The following IRF2 variants were observed in gnomAD, a reference collection of about 807,000 sequenced individuals.
The protein encoded by IRF2 is interferon regulatory factor 2.
IRF2 carries 15 observed loss-of-function variants against 40.6 expected under a neutral mutation model. The observed-to-expected ratio is 0.37, with a 90% CI of 0.25 to 0.57. The LOEUF is 0.57. Ranked by LOEUF, IRF2 falls within the 20% of genes least tolerant of loss-of-function variation. The pLI, the probability that IRF2 is intolerant of heterozygous loss-of-function variation, is 0.77. For missense variants in IRF2, 317 were observed against 455.7 expected, an observed-to-expected ratio of 0.70 and a Z score of 2.77; for synonymous variants, 151 against 165.5, an observed-to-expected ratio of 0.91 and a Z score of 0.67.
chr4:184,453,017 G>C (rs1738783942), intron 1 of IRF2, among the ~76,000 whole-genome samples: 1 of 151,972 alleles, frequency 6.6e-6, no homozygotes, highest in South Asian at 2.1e-4. Flanking sequence ...AATCATGTGT[G>C]AAACATGCTG....
chr4:184,467,665 CT>C (rs765120581), intron 1 of IRF2, among the ~76,000 whole-genome samples: 50 of 152,326 alleles, frequency 3.3e-4, no homozygotes, highest in Middle Eastern at 3.4e-3. Context: ...CTACAGAGTA[CT>C]TCTTTGGATC....
intron 1 of IRF2, among the ~76,000 whole-genome samples, chr4:184,460,658 TGCAC>T (rs58876064): frequency 0.15 from 20,034 of 131,436 alleles, 1,354 homozygotes; most frequent in Middle Eastern, 0.21. Context: ...CACACACACA[TGCAC>T]GCGCACACAC....
At chr4:184,455,380 A>G (rs1317997963) in intron 1 of IRF2, among the ~76,000 whole-genome samples, 1 of 141,666 alleles carries the variant, frequency 7.1e-6, no homozygotes, top group African/African-American at 2.6e-5. Context: ...CCTGGCCTCA[A>G]GTGATCCTCC....
chr4:184,443,607 TC>T (rs147939989), intron 1 of IRF2, among the ~76,000 whole-genome samples: 23,776 of 152,200 alleles, frequency 0.16, 2,089 homozygotes, highest in Middle Eastern at 0.29. Flanking sequence ...CTTTATCCGG[TC>T]CACTGCTGAT....
chr4:184,418,832 T>A (rs1434115631), intron 3 of IRF2, 124 bp from the exon 4 acceptor site: 2 of 746,234 alleles, frequency 2.7e-6, no homozygotes, highest in African/African-American at 1.8e-5. Flanking sequence ...ATGCTATACC[T>A]CCAGTGACCA....
chr4:184,418,050 A>T, intron 5 of IRF2, 117 bp downstream of exon 5: 1 of 798,394 alleles, frequency 1.3e-6, no homozygotes, highest in Non-Finnish European at 2.2e-6. Context: ...CACAGAAGAC[A>T]CAAGCAAAGG....
At chr4:184,389,233 A>G (rs1203142809) in intron 8 of IRF2, among the ~76,000 whole-genome samples, 167 bp from the exon 9 acceptor site, 1 of 151,980 alleles carries the variant, frequency 6.6e-6, no homozygotes, top group Non-Finnish European at 1.5e-5. Context: ...CAGCCTGGGC[A>G]ATGTAGCGAG....
At chr4:184,407,089 C>T in intron 6 of IRF2, 1 of 743,568 alleles carries the variant, frequency 1.3e-6, no homozygotes, top group Non-Finnish European at 2.0e-6. Flanking sequence ...TTATAGAGCA[C>T]TGCCGAGACC....
rs1736135210 is a variant in IRF2, at chr4:184,388,510, C to T, written c.*248G>A. Reference sequence around the variant, plus strand: ...AGCACCTCCACTGCCCTTGTTGGTCCTTGAACTTGAGTGAGTAGCCCTGGG... The same window carrying T: ...AGCACCTCCACTGCCCTTGTTGGTCTTTGAACTTGAGTGAGTAGCCCTGGG... On this transcript the variant is annotated 3_prime_UTR_variant, in exon 9 of 9. Transcript: ENST00000393593. The surrounding 1 kb of genome is among the most constrained non-coding windows in gnomAD (Gnocchi z 4.6). The T allele has an allele frequency of 2.0e-6, 1 of 492,744 alleles. No homozygotes were observed. Among genetic ancestry groups the T allele is most frequent in the Non-Finnish European group, 3.5e-6 (1 of 281,870 alleles). 30.5% of individuals were successfully genotyped at this position (492,744 alleles called of 1,614,324 possible). A position where few individuals can be genotyped will look rare whatever the true frequency, so the allele number is the denominator to read the frequency against.
At chr4:184,424,738 G>T (rs11947317) in intron 2 of IRF2, among the ~76,000 whole-genome samples, 10,326 of 152,274 alleles carry the variant, frequency 0.068, 752 homozygotes, top group East Asian at 0.21. Context: ...TATTCTGTTA[G>T]AAGCAACAGG....
At chr4:184,429,997 G>T (rs561287312) in intron 1 of IRF2, among the ~76,000 whole-genome samples, 3 of 152,182 alleles carry the variant, frequency 2.0e-5, no homozygotes, top group Non-Finnish European at 2.9e-5. Flanking sequence ...GCAAAGATGG[G>T]TCAGGTGCAA....
At chr4:184,424,660 T>C (rs557886261) in intron 2 of IRF2, among the ~76,000 whole-genome samples, 23 of 152,338 alleles carry the variant, frequency 1.5e-4, no homozygotes, top group African/African-American at 5.5e-4. Context: ...CCCCTCAACC[T>C]TGGACTTCTC....
At chr4:184,431,684 C>T (rs565700179) in intron 1 of IRF2, among the ~76,000 whole-genome samples, 7 of 152,254 alleles carry the variant, frequency 4.6e-5, no homozygotes, top group East Asian at 1.9e-4. Context: ...GAGCAACAGA[C>T]GCCAGTTCTC....
intron 1 of IRF2, among the ~76,000 whole-genome samples, chr4:184,454,608 CCATTGGATGGTCA>C (rs1385408087): frequency 6.6e-6 from 1 of 152,198 alleles, no homozygotes; most frequent in Admixed American, 6.5e-5. Context: ...GATCTGGCAT[CCATTGGATGGTCA>C]CTATTTCCCC....
chr4:184,419,570 T>TCA lies in IRF2; in HGVS notation c.88-3_88-2insTG. ...GGGGATCTGAAAAATCTTCTTTTCC[T>TCA]GAAAAAAAAAAAAAAAAAAAAGGTA... On this transcript the variant is annotated splice_polypyrimidine_tract_variant and splice_region_variant and intron_variant, in intron 2 of 8. Transcript: ENST00000393593. The TCA allele has an allele frequency of 2.3e-5, 19 of 819,992 alleles. No individual in the cohort carries two copies. The highest frequency in any genetic ancestry group is 3.1e-5 in the Non-Finnish European group (18 of 573,408). The allele number at this position is 819,992 out of a possible 1,614,324, so 50.8% of individuals were successfully genotyped here.
chr4:184,438,864 C>T (rs574919258), intron 1 of IRF2, among the ~76,000 whole-genome samples: 17 of 152,262 alleles, frequency 1.1e-4, no homozygotes, highest in Middle Eastern at 3.4e-3. Flanking sequence ...GGAAGCATGG[C>T]CTGAGACCTT....
At chr4:184,435,834 C>A (rs1393859243) in intron 1 of IRF2, among the ~76,000 whole-genome samples, 1 of 152,076 alleles carries the variant, frequency 6.6e-6, no homozygotes, top group Non-Finnish European at 1.5e-5. Flanking sequence ...AGGCTGAAGC[C>A]CAGCTTTGAA....
chr4:184,455,112 C>A (rs1464018271), intron 1 of IRF2, among the ~76,000 whole-genome samples: 2 of 152,098 alleles, frequency 1.3e-5, no homozygotes, highest in East Asian at 3.9e-4. Flanking sequence ...TTCCACAACG[C>A]CCATTGAATA....
chr4:184,391,440 T>A (rs1286276745), intron 7 of IRF2, among the ~76,000 whole-genome samples: 1 of 152,240 alleles, frequency 6.6e-6, no homozygotes, highest in Admixed American at 6.5e-5. Context: ...ACACTCTGCC[T>A]TGCTGGCCTT....
Sources: allele counts gnomAD v4.1 joint callset (sites outside exome capture counted in the v4.1 genomes callset), GRCh38; gene constraint gnomAD v4.1.1; non-coding constraint Gnocchi (gnomAD v3.1); transcripts MANE v1.5; gene names NCBI Gene and HGNC (gene_info 2026-07-23, HGNC 2026-07-21).